Variants in PACS1 observed in about 807,000 individuals in gnomAD.
PACS1 encodes phosphofurin acidic cluster sorting protein 1, also known as PACS-1.
In PACS1, 24 loss-of-function variants were observed where a neutral mutation model predicts 115.0. The observed-to-expected ratio is 0.21, with a 90% confidence interval of 0.15 to 0.29. The LOEUF is 0.29. PACS1 is among the 10% of genes least tolerant of loss of function. The pLI, the probability that PACS1 is intolerant of heterozygous loss-of-function variation, is 1.00. For missense variants in PACS1, 838 were observed against 1,251.2 expected, an observed-to-expected ratio of 0.67 and a Z score of 4.98; for synonymous variants, 453 against 504.5, an observed-to-expected ratio of 0.90 and a Z score of 1.37.
At chr11:66,115,112 G>A (rs183622090) in intron 1 of PACS1, among the ~76,000 whole-genome samples, 107 of 151,788 alleles carry the variant, frequency 7.0e-4, no homozygotes, top group Admixed American at 1.7e-3. Flanking sequence ...GGGAGGCTGC[G>A]GTGGGAGGAT....
At chr11:66,231,250 G>A (rs1855586679) in intron 13 of PACS1, among the ~76,000 whole-genome samples, 2 of 152,256 alleles carry the variant, frequency 1.3e-5, no homozygotes, top group South Asian at 2.1e-4. Context: ...TCCATCAGAC[G>A]TCAGTCTGGA....
chr11:66,233,150 A>C lies in PACS1; in HGVS notation c.1838+84A>C. On this transcript the variant is annotated intron_variant, in intron 15 of 23. Coordinates refer to ENST00000320580, the MANE Select transcript of PACS1 (RefSeq NM_018026.4). The surrounding 1 kb of genome is among the most constrained non-coding windows in gnomAD (Gnocchi z 4.5). ...AACCCTGACTTCTAAGCAATGATAG[A>C]CCCTCCTGGCCTCATCAGACCAAGA... The C allele has an allele frequency of 9.5e-7, 1 of 1,054,918 alleles. No individual in the cohort carries two copies. Among genetic ancestry groups the C allele is most frequent in the Non-Finnish European group, 1.4e-6 (1 of 696,784 alleles). 65.3% of individuals were successfully genotyped at this position (1,054,918 alleles called of 1,614,324 possible).
chr11:66,227,582 C>T lies in PACS1; in HGVS notation c.1372C>T (p.Leu458=). The part of the protein sequence containing the change: ...QDDSLTETDT[L]EITDQDMFGD... ...TGACAGCTTGACTGAAACAGACACT[C>T]TGGTATGTATGGGTCAGTTTCCTGT... Residue 458 remains leucine, a splice_region_variant and synonymous_variant, in exon 11 of 24, where the codon CTG becomes TTG. Transcript: ENST00000320580. The T allele has an allele frequency of 6.2e-7, 1 of 1,601,746 alleles. No homozygotes were observed. Among genetic ancestry groups the T allele is most frequent in the South Asian group, 1.1e-5 (1 of 90,536 alleles).
chr11:66,078,595 A>G (rs1857431923), intron 1 of PACS1, among the ~76,000 whole-genome samples: 1 of 152,202 alleles, frequency 6.6e-6, no homozygotes, highest in African/African-American at 2.4e-5. Flanking sequence ...TGTTGCCCAA[A>G]CTGGAATGCA....
Position 66,200,342 on chromosome 11 carries a change from C to T in PACS1, c.444+6769C>T, listed in dbSNP as rs1033189538. Among the ~76,000 whole-genome samples the T allele has an allele frequency of 8.5e-5, 13 of 152,182 alleles. 1 individual carries two copies. The highest frequency in any genetic ancestry group is 5.9e-4 in the Admixed American group (9 of 15,276). On this transcript the variant is annotated intron_variant, in intron 2 of 23. Transcript: ENST00000320580. ...CTCCACCTTGGGCAACAGAGTGAGACGCTGTCTCAGAAAAACAAAAACGAA... is the reference window on the plus strand; with the variant it reads ...CTCCACCTTGGGCAACAGAGTGAGATGCTGTCTCAGAAAAACAAAAACGAA...
At chr11:66,203,123 A>G (rs879904119) in intron 2 of PACS1, among the ~76,000 whole-genome samples, 1 of 152,172 alleles carries the variant, frequency 6.6e-6, no homozygotes, top group Non-Finnish European at 1.5e-5. Context: ...TACACTTCAC[A>G]AAATAACTAT....
chr11:66,090,271 CTTTT>C (rs930565654), intron 1 of PACS1, among the ~76,000 whole-genome samples: 2 of 109,444 alleles, frequency 1.8e-5, no homozygotes, highest in Non-Finnish European at 1.8e-5. Context: ...TCTTTCCTTT[CTTTT>C]TTTTTTTTTT....
At chr11:66,132,416 G>A (rs1858724916) in intron 1 of PACS1, among the ~76,000 whole-genome samples, 2 of 152,074 alleles carry the variant, frequency 1.3e-5, no homozygotes, top group African/African-American at 4.8e-5. Flanking sequence ...TTATAGCAGT[G>A]TGAAAACGGA....
intron 21 of PACS1, among the ~76,000 whole-genome samples, chr11:66,239,905 C>T (rs1242513091): frequency 6.6e-6 from 1 of 152,166 alleles, no homozygotes; most frequent in Non-Finnish European, 1.5e-5. Flanking sequence ...CCTGTAGTTC[C>T]AGCCACTCCG....
intron 1 of PACS1, among the ~76,000 whole-genome samples, chr11:66,190,437 G>T (rs963824741): frequency 3.3e-5 from 5 of 152,084 alleles, no homozygotes; most frequent in African/African-American, 1.2e-4. Context: ...TTGTTTGTTT[G>T]TTTTTTGAGA....
intron 1 of PACS1, among the ~76,000 whole-genome samples, chr11:66,118,169 G>T (rs951990745): frequency 6.6e-6 from 1 of 152,174 alleles, no homozygotes; most frequent in Non-Finnish European, 1.5e-5. Context: ...TAGACTAAGG[G>T]GTTGGTGCAT....
chr11:66,124,908 G>T (rs1476932706), intron 1 of PACS1, among the ~76,000 whole-genome samples: 1 of 152,176 alleles, frequency 6.6e-6, no homozygotes, highest in Non-Finnish European at 1.5e-5. Flanking sequence ...GTCATCCTCA[G>T]TACAGGCTTG....
In PACS1 at chr11:66,220,559, A is replaced by G; in HGVS notation, c.1039-72A>G. ...CAGGACTATAAGGGCAGCCCAGGAG[A>G]AAGGAGCTGCTCATCAACCAAAATT... is the stretch of plus-strand genomic sequence containing the variant. On this transcript the variant is annotated intron_variant, in intron 8 of 23. Coordinates refer to ENST00000320580, the MANE Select transcript of PACS1 (RefSeq NM_018026.4). 3 of 1,462,842 alleles carry G rather than the reference A, an allele frequency of 2.1e-6. No individual in the cohort carries two copies. The East Asian group carries it at 6.8e-5, about 33-fold the overall frequency. The allele number at this position is 1,462,842 out of a possible 1,614,324, so 90.6% of individuals were successfully genotyped here. A position where few individuals can be genotyped will look rare whatever the true frequency, so the allele number is the denominator to read the frequency against.
rs1021550114 is a variant in PACS1 at position 66,188,073 on chromosome 11, A to AT, written c.357-5403dup. On this transcript the variant is annotated intron_variant, in intron 1 of 23. Transcript: ENST00000320580. ...TTTCCCTGATGATTAGGGATGTTGA[A>AT]TTTTTTTTTTATATGTTCGTTGGCT... Among the ~76,000 whole-genome samples, 673 of 142,690 alleles carry AT rather than the reference A, an allele frequency of 4.7e-3. 5 individuals are homozygous for AT. The highest frequency in any genetic ancestry group is 0.015 in the Middle Eastern group (4 of 266). The allele number at this position is 142,690 out of a possible 152,430, so 93.6% of individuals were successfully genotyped here.
chr11:66,074,610 A>G (rs1371222109), intron 1 of PACS1, among the ~76,000 whole-genome samples: 2 of 152,362 alleles, frequency 1.3e-5, no homozygotes, highest in South Asian at 2.1e-4. Flanking sequence ...ACCATATCCA[A>G]AGCCCATTTG....
Position 66,070,721 on chromosome 11 carries a change from G to T in PACS1, c.235G>T (p.Ala79Ser). ...SSSTSTSMAV[A>S]VASGSAPPGG... The stretch of plus-strand genomic sequence containing the variant: ...GTCTACCTCCACCTCCATGGCCGTG[G>T]CGGTGGCCTCGGGCTCCGCGCCTCC... The change falls in exon 1 of 24, where the codon GCG becomes TCG. Residue 79 changes from alanine (A) to serine (S), a missense_variant. This residue lies in a region of PACS1 where 129 missense variants were observed against 109.4 expected (regional missense o/e 1.18). Coordinates refer to ENST00000320580, the MANE Select transcript of PACS1 (RefSeq NM_018026.4). The surrounding 1 kb of genome is among the most constrained non-coding windows in gnomAD (Gnocchi z 5.9). 6.4e-7 allele frequency: 1 copy of T among 1,572,596 alleles called. No individual in the cohort carries two copies. Among genetic ancestry groups the T allele is most frequent in the Non-Finnish European group, 8.6e-7 (1 of 1,167,264 alleles).
chr11:66,112,613 T>C (rs1473329286), intron 1 of PACS1, among the ~76,000 whole-genome samples: 1 of 152,236 alleles, frequency 6.6e-6, no homozygotes, highest in Non-Finnish European at 1.5e-5. Context: ...TCTCAGTGCC[T>C]GAACAGTTCC....
chr11:66,102,956 G>A lies in PACS1; in HGVS notation c.356+32114G>A, dbSNP rs192879668. Among the ~76,000 whole-genome samples the A allele has an allele frequency of 1.7e-4, 26 of 151,964 alleles. No individual in the cohort carries two copies. In the East Asian group the frequency reaches 4.9e-3, roughly 28 times the overall value. The stretch of plus-strand genomic sequence containing the variant: ...AGCCATTCTCCTGCCTCAGCTTCCC[G>A]AGTAGCTGGGATTAAAGGCACGTGC... On this transcript the variant is annotated intron_variant, in intron 1 of 23. Coordinates refer to ENST00000320580, the MANE Select transcript of PACS1 (RefSeq NM_018026.4).
chr11:66,220,883 G>A, intron 9 of PACS1, 92 bp downstream of exon 9: 1 of 1,354,540 alleles, frequency 7.4e-7, no homozygotes, highest in Middle Eastern at 2.2e-4. Context: ...TCTATTACCA[G>A]AGAATCTTGG....
Sources: allele counts gnomAD v4.1 joint callset (sites outside exome capture counted in the v4.1 genomes callset), GRCh38; gene constraint gnomAD v4.1.1; regional missense constraint gnomAD v4.1.1; non-coding constraint Gnocchi (gnomAD v3.1); transcripts MANE v1.5; gene names NCBI Gene and HGNC (gene_info 2026-07-23, HGNC 2026-07-21).